Variants in DPP4 observed in about 807,000 individuals in gnomAD.
DPP4 encodes dipeptidyl peptidase 4.
Under a neutral mutation model 122.4 loss-of-function variants are expected in DPP4, and 93 were observed. The observed-to-expected ratio is 0.76, with a 90% CI of 0.64 to 0.90. The LOEUF (loss-of-function observed/expected upper bound fraction) is 0.90, where lower values mean the gene tolerates loss of function less well. DPP4 is among the 40% of genes least tolerant of loss of function. DPP4 has a pLI of 0.00. For missense variants in DPP4, 914 were observed against 907.3 expected (o/e 1.01, Z -0.09); for synonymous variants, 321 against 302.9 (o/e 1.06, Z -0.62).
intron 4 of DPP4, 30 bp downstream of exon 4, chr2:162,046,885 T>C (rs1012443351): frequency 1.5e-6 from 2 of 1,376,328 alleles, no homozygotes; most frequent in Non-Finnish European, 2.1e-6. Context: ...CAGAATTCTA[T>C]GCATGAATTA....
chr2:162,073,870 T>C, intron 1 of DPP4, 106 bp downstream of exon 1: 1 of 1,490,994 alleles, frequency 6.7e-7, no homozygotes, highest in Non-Finnish European at 9.1e-7. Context: ...GGCTTCCGCC[T>C]AAGGGGAGTC....
chr2:162,044,197 T>G (rs1457314476), intron 5 of DPP4, among the ~76,000 whole-genome samples: 1 of 152,184 alleles, frequency 6.6e-6, no homozygotes, highest in Admixed American at 6.5e-5. Flanking sequence ...CAATAATCCA[T>G]TAATTGGCAA....
chr2:162,071,940 TACTC>T (rs1250312349), intron 2 of DPP4, among the ~76,000 whole-genome samples: 1 of 152,214 alleles, frequency 6.6e-6, no homozygotes, highest in Non-Finnish European at 1.5e-5. Context: ...ATTACAGTTT[TACTC>T]AAACTTCCAG....
chr2:162,010,374 T>C (rs1215759200), intron 20 of DPP4, among the ~76,000 whole-genome samples: 1 of 152,226 alleles, frequency 6.6e-6, no homozygotes, highest in African/African-American at 2.4e-5. Context: ...ACTGAACTTT[T>C]GCCTTGTTTT....
At chr2:162,002,317 T>C (rs1701170112) in intron 23 of DPP4, among the ~76,000 whole-genome samples, 1 of 152,252 alleles carries the variant, frequency 6.6e-6, no homozygotes, top group Admixed American at 6.5e-5. Context: ...TTTCTCTAAA[T>C]TCTTCCAAAT....
chr2:162,047,900 C>T lies in DPP4; in HGVS notation c.95-399G>A, dbSNP rs1162451304. ...TCCAAAATATCATTTTGCCATGTAA[C>T]CAATATTTAAATTTTATGAGAACTT... On this transcript the variant is annotated intron_variant, in intron 2 of 25. Transcript: ENST00000360534. Among the ~76,000 whole-genome samples, 3 of 152,212 alleles carry T rather than the reference C, an allele frequency of 2.0e-5. No homozygotes were observed. In the East Asian group the frequency reaches 5.8e-4, roughly 29 times the overall value.
intron 2 of DPP4, among the ~76,000 whole-genome samples, chr2:162,062,497 G>T (rs971341430): frequency 6.6e-6 from 1 of 152,182 alleles, no homozygotes; most frequent in Non-Finnish European, 1.5e-5. Flanking sequence ...GGAATGAGTT[G>T]TCAGCTGGAG....
chr2:162,045,488 T>C (rs200022637), intron 5 of DPP4, 44 bp downstream of exon 5: 18 of 1,420,448 alleles, frequency 1.3e-5, no homozygotes, highest in Non-Finnish European at 1.8e-5. Flanking sequence ...CATAGCATAC[T>C]CTTGGATTAT....
At chr2:162,002,046 C>T (rs1193565548) in intron 23 of DPP4, among the ~76,000 whole-genome samples, 1 of 152,146 alleles carries the variant, frequency 6.6e-6, no homozygotes, top group Non-Finnish European at 1.5e-5. Context: ...TGGGTCTAGG[C>T]CTTAGTCTCA....
intron 2 of DPP4, among the ~76,000 whole-genome samples, chr2:162,062,146 G>T (rs1056149477): frequency 6.6e-6 from 1 of 152,018 alleles, no homozygotes; most frequent in African/African-American, 2.4e-5. Context: ...GCTGGGCGTG[G>T]TGGTGCACAC....
intron 20 of DPP4, among the ~76,000 whole-genome samples, chr2:162,010,717 T>A (rs868168051): frequency 4.4e-4 from 67 of 152,178 alleles, no homozygotes; most frequent in African/African-American, 1.5e-3. Context: ...ATCCCCTGTT[T>A]ATTCTAAATC....
intron 23 of DPP4, among the ~76,000 whole-genome samples, chr2:161,996,459 T>C (rs1701007445): frequency 6.6e-6 from 1 of 152,190 alleles, no homozygotes; most frequent in African/African-American, 2.4e-5. Flanking sequence ...CAGCTTATAT[T>C]TTTGATGGGA....
At chr2:162,060,068 G>C (rs34536659) in intron 2 of DPP4, among the ~76,000 whole-genome samples, 37,948 of 152,092 alleles carry the variant, frequency 0.25, 5,857 homozygotes, top group Non-Finnish European at 0.36. Flanking sequence ...GCCACATTTG[G>C]ACCAGGCAAT....
At chr2:161,996,356 A>G (rs1701004337) in intron 23 of DPP4, among the ~76,000 whole-genome samples, 1 of 152,212 alleles carries the variant, frequency 6.6e-6, no homozygotes, top group African/African-American at 2.4e-5. Context: ...TGGGTTTAAA[A>G]GCAGCCAGCT....
rs768094863 is a variant in DPP4 at position 162,014,386 on chromosome 2, G to A, written c.1637+10C>T. The A allele has an allele frequency of 3.1e-6, 5 of 1,599,802 alleles. No homozygotes were observed. Among genetic ancestry groups the A allele is most frequent in the African/African-American group, 2.7e-5 (2 of 74,342 alleles). On this transcript the variant is annotated intron_variant, in intron 19 of 25. Transcript: ENST00000360534. ...TACTTCTAAATTGCTCCCTTCTCTT[G>A]AATACTTACACATCTAATAGTAGAG...
intron 15 of DPP4, 67 bp downstream of exon 15, chr2:162,019,156 A>C: frequency 7.1e-7 from 1 of 1,403,174 alleles, no homozygotes; most frequent in Non-Finnish European, 1.0e-6. Flanking sequence ...GCAAAAAATA[A>C]AAATAGAGTT....
chr2:162,033,673 G>T lies in DPP4; in HGVS notation c.775-20C>A. Reference sequence around the variant, plus strand: ...TCCTGCCTAGGAAAAAATAATCACAGAATTGGTATTGACAAAAAAAAAAAA... The same window carrying T: ...TCCTGCCTAGGAAAAAATAATCACATAATTGGTATTGACAAAAAAAAAAAA... On this transcript the variant is annotated intron_variant, in intron 9 of 25. Transcript: ENST00000360534. The T allele has an allele frequency of 1.3e-6, 2 of 1,525,640 alleles. No individual in the cohort carries two copies. The highest frequency in any genetic ancestry group is 1.2e-5 in the South Asian group (1 of 83,722). The allele number at this position is 1,525,640 out of a possible 1,614,324, so 94.5% of individuals were successfully genotyped here.
At chr2:162,067,405 C>T (rs936887776) in intron 2 of DPP4, among the ~76,000 whole-genome samples, 1 of 152,070 alleles carries the variant, frequency 6.6e-6, no homozygotes, top group Non-Finnish European at 1.5e-5. Flanking sequence ...CCCTCTACCT[C>T]AGTTATACAT....
intron 2 of DPP4, among the ~76,000 whole-genome samples, chr2:162,068,940 A>C (rs1487502617): frequency 6.6e-6 from 1 of 152,188 alleles, no homozygotes; most frequent in Non-Finnish European, 1.5e-5. Context: ...GCTAACAGGC[A>C]CATGAGTGAG....
Sources: gnomAD v4.1 joint callset for allele counts (sites outside exome capture counted in the v4.1 genomes callset) on GRCh38, gnomAD v4.1.1 for gene constraint, MANE v1.5 for transcripts, NCBI Gene and HGNC (gene_info 2026-07-23, HGNC 2026-07-21) for gene names.